Variants in EXOSC10 observed in about 807,000 individuals in gnomAD.
EXOSC10 encodes the protein exosome complex component 10.
EXOSC10 carries 94 observed loss-of-function variants against 126.6 expected under a neutral mutation model. That is an observed-to-expected ratio of 0.74 (90% CI 0.63 to 0.88). The LOEUF is 0.88. EXOSC10 is among the 40% of genes least tolerant of loss of function. The probability of loss-of-function intolerance (pLI) is 0.00; values close to 1 mark genes in which losing one functional copy is unlikely to be tolerated. For synonymous variants in EXOSC10, 395 were observed against 400.8 expected, an observed-to-expected ratio of 0.99 and a Z score of 0.17; for missense variants, 1,041 against 1,100.5, an observed-to-expected ratio of 0.95 and a Z score of 0.77.
Position 11,099,859 on chromosome 1 carries a change from G to A in EXOSC10, c.-28C>T. On this transcript the variant is annotated 5_prime_UTR_variant, in exon 1 of 25. Transcript: ENST00000376936. ...TTTCAGCCTGCACGGCTCGTCTCGC[G>A]AGAGCTTGTCGGCCGAGGAGACGGG... The A allele has an allele frequency of 1.3e-6, 2 of 1,575,206 alleles. No homozygotes were observed. Among genetic ancestry groups the A allele is most frequent in the South Asian group, 1.1e-5 (1 of 87,608 alleles).
chr1:11,070,698 A>C (rs1251851552), intron 21 of EXOSC10: 1 of 558,812 alleles, frequency 1.8e-6, no homozygotes, highest in Admixed American at 3.4e-5. Flanking sequence ...ACAGTGGAAG[A>C]AGGTTAAGAG....
chr1:11,095,917 T>G, intron 2 of EXOSC10, 36 bp from the exon 3 acceptor site: 1 of 1,603,662 alleles, frequency 6.2e-7, no homozygotes, highest in Non-Finnish European at 8.5e-7. Flanking sequence ...CTTGTAGATT[T>G]TTATTTCACT....
chr1:11,075,853 C>CCAAAAAA (rs1639782902), intron 17 of EXOSC10, among the ~76,000 whole-genome samples: 1 of 35,122 alleles, frequency 2.8e-5, no homozygotes, highest in African/African-American at 1.3e-4. Flanking sequence ...GATCCTGTCA[C>CCAAAAAA]AAAAAAAAAA....
chr1:11,074,413 ATTTT>A, intron 17 of EXOSC10, 87 bp from the exon 18 acceptor site: 3 of 742,406 alleles, frequency 4.0e-6, no homozygotes, highest in Non-Finnish European at 4.4e-6. Flanking sequence ...GTTAACAGTG[ATTTT>A]TTTTTTTTTT....
intron 11 of EXOSC10, 67 bp from the exon 12 acceptor site, chr1:11,080,979 GT>G: frequency 6.4e-7 from 1 of 1,574,202 alleles, no homozygotes; most frequent in African/African-American, 1.4e-5. Context: ...TCTGGAAAAT[GT>G]TTGGCTCTTT....
chr1:11,068,722 TGA>T lies in EXOSC10; in HGVS notation c.2489-18_2489-17del, dbSNP rs771370261. 36 of 1,611,220 alleles carry T rather than the reference TGA, an allele frequency of 2.2e-5. No individual in the cohort carries two copies. The African/African-American group carries it at 2.5e-4, about 11-fold the overall frequency. Reference sequence around the variant, plus strand: ...TTGCTGTTTCCTGAAAGGTAAGAGATGAGAGAGACCTGCGGTCAGGTCAATGA... The same window carrying T: ...TTGCTGTTTCCTGAAAGGTAAGAGATGAGAGACCTGCGGTCAGGTCAATGA... On this transcript the variant is annotated splice_polypyrimidine_tract_variant and intron_variant, in intron 22 of 24. Coordinates refer to ENST00000376936, the MANE Select transcript of EXOSC10 (RefSeq NM_001001998.3).
At chr1:11,083,105 G>T (rs183400615) in intron 9 of EXOSC10, among the ~76,000 whole-genome samples, 1 of 152,142 alleles carries the variant, frequency 6.6e-6, no homozygotes, top group East Asian at 1.9e-4. Context: ...GTGCCACCAC[G>T]CCCAGCTAAA....
At chr1:11,095,708 C>T (rs60551107) in intron 3 of EXOSC10, 50 bp downstream of exon 3, 18,353 of 1,553,392 alleles carry the variant, frequency 0.012, 688 homozygotes, top group African/African-American at 0.079. Flanking sequence ...AGCGAGACTC[C>T]GTCTCAAAAA....
intron 18 of EXOSC10, 75 bp downstream of exon 18, chr1:11,074,152 GCTTC>G: frequency 7.0e-7 from 1 of 1,422,354 alleles, no homozygotes; most frequent in South Asian, 1.2e-5. Flanking sequence ...GGCTTCAGAG[GCTTC>G]CTTCCCAGGT....
At chr1:11,083,701 T>C (rs1332135595) in intron 9 of EXOSC10, among the ~76,000 whole-genome samples, 1 of 152,076 alleles carries the variant, frequency 6.6e-6, no homozygotes, top group Non-Finnish European at 1.5e-5. Flanking sequence ...TATGTATACA[T>C]GTGCCATGCT....
At chr1:11,097,112 A>G (rs954107044) in intron 2 of EXOSC10, among the ~76,000 whole-genome samples, 1 of 152,104 alleles carries the variant, frequency 6.6e-6, no homozygotes, top group Admixed American at 6.5e-5. Flanking sequence ...GGGGAGGCTG[A>G]GGCACAAGAA....
At chr1:11,068,316 C>T (rs547075015) in intron 23 of EXOSC10, among the ~76,000 whole-genome samples, 2 of 152,338 alleles carry the variant, frequency 1.3e-5, no homozygotes, top group South Asian at 2.1e-4. Context: ...GCTACAGCCA[C>T]GCTGTTTCCC....
intron 14 of EXOSC10, among the ~76,000 whole-genome samples, chr1:11,078,264 C>CTTTTTTTTTTTTTTT (rs1220119181): frequency 1.4e-5 from 2 of 143,664 alleles, no homozygotes; most frequent in African/African-American, 5.2e-5. Context: ...GACCCTGTTT[C>CTTTTTTTTTTTTTTT]TTTTTTTTTT....
At chr1:11,082,461 C>A in intron 10 of EXOSC10, 1 of 1,138,702 alleles carries the variant, frequency 8.8e-7, no homozygotes, top group South Asian at 1.9e-5. Flanking sequence ...TTTTCAACCA[C>A]TATTTCCATG....
intron 20 of EXOSC10, 53 bp downstream of exon 20, chr1:11,072,034 G>T: frequency 7.0e-7 from 1 of 1,437,408 alleles, no homozygotes; most frequent in Non-Finnish European, 9.7e-7. Context: ...AACAGCGGGT[G>T]TGCAACAGCC....
chr1:11,068,867 TAC>T, intron 22 of EXOSC10, 161 bp from the exon 23 acceptor site: 1 of 644,454 alleles, frequency 1.6e-6, no homozygotes, highest in South Asian at 1.8e-5. Flanking sequence ...CATAAATGAA[TAC>T]ATAGCGATCC....
intron 19 of EXOSC10, chr1:11,073,097 C>T (rs186244362): frequency 5.3e-5 from 8 of 152,176 alleles, no homozygotes; most frequent in African/African-American, 1.9e-4. Context: ...ATTTAAAAAC[C>T]GCAAATGAAG....
chr1:11,067,809 G>A (rs902426334), intron 24 of EXOSC10, among the ~76,000 whole-genome samples, 199 bp downstream of exon 24: 3 of 152,108 alleles, frequency 2.0e-5, no homozygotes, highest in Non-Finnish European at 2.9e-5. Context: ...CTGGCTCTGT[G>A]ATGTATGGCA....
At chr1:11,090,435 G>C (rs1640738313) in intron 6 of EXOSC10, 119 bp downstream of exon 6, 8 of 808,730 alleles carry the variant, frequency 9.9e-6, no homozygotes, top group Non-Finnish European at 1.7e-5. Flanking sequence ...CCCAGGTTGG[G>C]GTGTAAGGAG....
Sources: allele counts gnomAD v4.1 joint callset (sites outside exome capture counted in the v4.1 genomes callset), GRCh38; gene constraint gnomAD v4.1.1; transcripts MANE v1.5; gene names NCBI Gene and HGNC (gene_info 2026-07-23, HGNC 2026-07-21).